Variants in PRKD1 observed in about 807,000 individuals in gnomAD.
PRKD1 encodes protein kinase D1, also known as serine/threonine-protein kinase D1.
A neutral mutation model predicts 95.9 loss-of-function variants in PRKD1; 63 were observed. That is an observed-to-expected ratio of 0.66 (90% confidence interval 0.54 to 0.81). PRKD1 has a LOEUF of 0.81. Ranked by LOEUF, PRKD1 falls within the 30% of genes least tolerant of loss-of-function variation. The pLI is 0.00. For synonymous variants in PRKD1, 425 were observed against 423.1 expected, an observed-to-expected ratio of 1.00 and a Z score of -0.05; for missense variants, 1,048 against 1,165.3, an observed-to-expected ratio of 0.90 and a Z score of 1.47.
At chr14:29,835,004 G>A (rs1891557542) in intron 1 of PRKD1, among the ~76,000 whole-genome samples, 1 of 151,792 alleles carries the variant, frequency 6.6e-6, no homozygotes, top group Non-Finnish European at 1.5e-5. Flanking sequence ...TTTTTTCTCT[G>A]CGGAACTAAC....
At chr14:29,687,730 T>G (rs895601915) in intron 2 of PRKD1, among the ~76,000 whole-genome samples, 2 of 152,230 alleles carry the variant, frequency 1.3e-5, no homozygotes, top group African/African-American at 4.8e-5. Context: ...TGTTACACAG[T>G]AACTGCTTAA....
At chr14:29,654,148 A>G (rs1244770904) in intron 4 of PRKD1, among the ~76,000 whole-genome samples, 1 of 152,012 alleles carries the variant, frequency 6.6e-6, no homozygotes, top group Non-Finnish European at 1.5e-5. Context: ...TAACTCATTC[A>G]GTAAATAATT....
intron 1 of PRKD1, among the ~76,000 whole-genome samples, chr14:29,763,264 T>C (rs1377389488): frequency 6.8e-6 from 1 of 146,140 alleles, no homozygotes; most frequent in Non-Finnish European, 1.5e-5. Flanking sequence ...GCCCCTGCAC[T>C]CCAACCTGGG....
chr14:29,590,318 G>T (rs1241721245), intron 16 of PRKD1, among the ~76,000 whole-genome samples: 1 of 152,044 alleles, frequency 6.6e-6, no homozygotes, highest in Non-Finnish European at 1.5e-5. Flanking sequence ...TATAGCACTG[G>T]CCACCTTTGT....
At chr14:29,683,003 C>T (rs1015201978) in intron 2 of PRKD1, among the ~76,000 whole-genome samples, 1 of 152,050 alleles carries the variant, frequency 6.6e-6, no homozygotes, top group Non-Finnish European at 1.5e-5. Context: ...GGCCTGGGTG[C>T]CTGCTTAAAT....
chr14:29,634,516 G>C lies in PRKD1; in HGVS notation c.1216C>G (p.Leu406Val). The change falls in exon 8 of 18, where the codon CTC becomes GTC. Residue 406 changes from leucine (L) to valine (V), a missense_variant. Around this residue, in one of 3 missense-constraint regions of PRKD1, gnomAD observed 739 missense variants for 861.9 expected, o/e 0.86. Coordinates refer to ENST00000331968, the MANE Select transcript of PRKD1 (RefSeq NM_002742.3). ...TTGACAGACTGCACTACCCTCATGA[G>C]TGGGATATTGTTGCTTGTTGATGGA... ...ISPSTSNNIP[L>V]MRVVQSVKHT... is the part of the protein sequence containing the mutation. The C allele has an allele frequency of 6.2e-7, 1 of 1,614,026 alleles. No individual in the cohort carries two copies. The highest frequency in any genetic ancestry group is 8.5e-7 in the Non-Finnish European group (1 of 1,179,958).
At chr14:29,818,193 G>A (rs1004479783) in intron 1 of PRKD1, among the ~76,000 whole-genome samples, 13 of 152,188 alleles carry the variant, frequency 8.5e-5, no homozygotes, top group African/African-American at 2.7e-4. Context: ...GCACAGTAAG[G>A]TCTGAATGTT....
At chr14:29,811,974 C>T (rs1890504918) in intron 1 of PRKD1, 1 of 152,088 alleles carries the variant, frequency 6.6e-6, no homozygotes, top group African/African-American at 2.4e-5. Flanking sequence ...AGCATCATAC[C>T]TACACAAGGA....
At chr14:29,680,907 C>T (rs557276350) in intron 2 of PRKD1, among the ~76,000 whole-genome samples, 10 of 152,094 alleles carry the variant, frequency 6.6e-5, no homozygotes, top group Non-Finnish European at 1.3e-4. Flanking sequence ...AGGAGGAGAA[C>T]CAGGAGCACT....
At chr14:29,892,776 T>A (rs1401498812) in intron 1 of PRKD1, among the ~76,000 whole-genome samples, 2 of 152,196 alleles carry the variant, frequency 1.3e-5, no homozygotes, top group Non-Finnish European at 2.9e-5. Context: ...TGAATAAGAA[T>A]AAATATGAAT....
intron 2 of PRKD1, among the ~76,000 whole-genome samples, chr14:29,713,474 CTG>C (rs1311373149): frequency 6.6e-6 from 1 of 152,120 alleles, no homozygotes; most frequent in Non-Finnish European, 1.5e-5. Flanking sequence ...AGTTATATGA[CTG>C]TTTTTAAATG....
At chr14:29,720,275 C>T (rs1212163874) in intron 2 of PRKD1, among the ~76,000 whole-genome samples, 3 of 152,124 alleles carry the variant, frequency 2.0e-5, no homozygotes, top group Non-Finnish European at 4.4e-5. Context: ...AACGTGGGCA[C>T]AGAATGATTA....
At chr14:29,591,570 A>T (rs1004358385) in intron 16 of PRKD1, among the ~76,000 whole-genome samples, 1 of 152,134 alleles carries the variant, frequency 6.6e-6, no homozygotes, top group African/African-American at 2.4e-5. Flanking sequence ...TAGCTCCTCT[A>T]ATTAACTGCT....
chr14:29,927,312 G>A lies in PRKD1; in HGVS notation c.201C>T (p.Asp67=). Reference sequence around the variant, plus strand: ...GCGCCAGGCTGTAGTCCCCGGACGAGTCCTGCAGCAGCAGCACCGGCTCAC... The same window carrying A: ...GCGCCAGGCTGTAGTCCCCGGACGAATCCTGCAGCAGCAGCACCGGCTCAC... The part of the protein sequence containing the change: ...LSREPVLLLQ[D]SSGDYSLAHV... Residue 67 remains aspartate (D), a synonymous_variant, in exon 1 of 18, where the codon GAC becomes GAT. Transcript: ENST00000331968. The A allele has an allele frequency of 2.6e-6, 4 of 1,558,362 alleles. No homozygotes were observed. In the South Asian group the frequency reaches 4.7e-5, roughly 18 times the overall value.
intron 1 of PRKD1, among the ~76,000 whole-genome samples, chr14:29,782,863 C>A (rs192144792): frequency 6.6e-6 from 1 of 152,102 alleles, no homozygotes; most frequent in Non-Finnish European, 1.5e-5. Flanking sequence ...TTTTACTGCA[C>A]ATATCTGATG....
chr14:29,707,945 C>T (rs953225349), intron 2 of PRKD1, among the ~76,000 whole-genome samples: 5 of 152,082 alleles, frequency 3.3e-5, no homozygotes, highest in African/African-American at 1.2e-4. Flanking sequence ...TGGCTAATGA[C>T]ATATCAATCT....
chr14:29,858,474 C>T (rs1328724729), intron 1 of PRKD1, among the ~76,000 whole-genome samples: 5 of 152,220 alleles, frequency 3.3e-5, no homozygotes, highest in African/African-American at 9.6e-5. Flanking sequence ...TTCCCTCCCT[C>T]GCCCAGTTCC....
intron 16 of PRKD1, among the ~76,000 whole-genome samples, chr14:29,581,052 A>AT (rs1488457280): frequency 6.6e-6 from 1 of 152,084 alleles, no homozygotes; most frequent in Non-Finnish European, 1.5e-5. Flanking sequence ...AAAAAAAAAA[A>AT]AGTGTTTTCT....
chr14:29,852,341 A>T (rs181819953), intron 1 of PRKD1, among the ~76,000 whole-genome samples: 4 of 152,264 alleles, frequency 2.6e-5, no homozygotes, highest in East Asian at 1.9e-4. Context: ...TAAATAAAAT[A>T]AAAAACACAC....
Sources: gnomAD v4.1 joint callset for allele counts (sites outside exome capture counted in the v4.1 genomes callset) on GRCh38, gnomAD v4.1.1 for gene constraint, gnomAD v4.1.1 regional missense constraint, MANE v1.5 for transcripts, NCBI Gene and HGNC (gene_info 2026-07-23, HGNC 2026-07-21) for gene names.